Variants in LPIN2 observed in about 807,000 individuals in gnomAD.
LPIN2 encodes lipin 2.
A neutral mutation model predicts 111.4 loss-of-function variants in LPIN2; 55 were observed. That is an observed-to-expected ratio of 0.49 (90% CI 0.40 to 0.62). The LOEUF is 0.62. Ranked by LOEUF, LPIN2 falls within the 20% of genes least tolerant of loss-of-function variation. The probability of loss-of-function intolerance (pLI) is 0.00; values close to 1 mark genes in which losing one functional copy is unlikely to be tolerated. For missense variants in LPIN2, 992 were observed against 1,112.1 expected (o/e 0.89, Z 1.54); for synonymous variants, 425 against 414.0 (o/e 1.03, Z -0.32).
intron 1 of LPIN2, among the ~76,000 whole-genome samples, chr18:2,994,512 G>A (rs2078311577): frequency 6.6e-6 from 1 of 152,148 alleles, no homozygotes; most frequent in Non-Finnish European, 1.5e-5. Context: ...TCATAGTTGG[G>A]GAGGACATAT....
intron 1 of LPIN2, among the ~76,000 whole-genome samples, chr18:3,002,125 T>C (rs2078442407): frequency 6.6e-6 from 1 of 151,876 alleles, no homozygotes; most frequent in South Asian, 2.1e-4. Context: ...GTCCTATTTC[T>C]TGACTGTCAT....
At chr18:3,000,163 G>C (rs941991194) in intron 1 of LPIN2, among the ~76,000 whole-genome samples, 1 of 149,612 alleles carries the variant, frequency 6.7e-6, no homozygotes, top group African/African-American at 2.5e-5. Context: ...GTAGAAAGCA[G>C]ATCTCCCAGT....
chr18:2,984,804 GC>G (rs1161065715), intron 1 of LPIN2, among the ~76,000 whole-genome samples: 3 of 152,054 alleles, frequency 2.0e-5, no homozygotes, highest in Non-Finnish European at 4.4e-5. Flanking sequence ...GGGAGAAGAA[GC>G]CCCCCAGTTT....
At position 2,944,333 on chromosome 18, in the gene LPIN2, CTTTTTTTTTTTTTTTTTT is replaced by C. The variant is rs768515839; in HGVS notation, c.591-3639_591-3622del. Among the ~76,000 whole-genome samples, 23 of 51,350 alleles carry C rather than the reference CTTTTTTTTTTTTTTTTTT, an allele frequency of 4.5e-4. 1 individual carries two copies. The highest frequency in any genetic ancestry group is 1.7e-3 in the East Asian group (3 of 1,762). 33.7% of individuals were successfully genotyped at this position (51,350 alleles called of 152,430 possible). On this transcript the variant is annotated intron_variant, in intron 4 of 19. Coordinates refer to ENST00000677752, the MANE Select transcript of LPIN2 (RefSeq NM_001375808.2). ...TGATATCCTAATGTATTTCCACAAA[CTTTTTTTTTTTTTTTTTT>C]TTTTTTTTTTTTTTTTTTGAGTCGG...
intron 1 of LPIN2, among the ~76,000 whole-genome samples, chr18:2,980,807 C>G (rs1388559634): frequency 1.3e-5 from 2 of 152,096 alleles, no homozygotes; most frequent in African/African-American, 2.4e-5. Flanking sequence ...GAGTCCCCCC[C>G]CAGCTCTAAA....
intron 1 of LPIN2, among the ~76,000 whole-genome samples, chr18:2,975,846 A>G (rs1398777473): frequency 6.6e-6 from 1 of 152,208 alleles, no homozygotes. Context: ...GTTGCTATAG[A>G]AGCCATGTGC....
intron 18 of LPIN2, 83 bp downstream of exon 18, chr18:2,921,450 G>T: frequency 9.8e-7 from 1 of 1,025,024 alleles, no homozygotes; most frequent in Non-Finnish European, 1.6e-6. Context: ...ACTGCTTTGA[G>T]AATTGGGACG....
chr18:2,921,459 C>T lies in LPIN2; in HGVS notation c.2442+74G>A, dbSNP rs890200058. On this transcript the variant is annotated intron_variant, in intron 18 of 19. Transcript: ENST00000677752. Reference sequence around the variant, plus strand: ...TACAAAACTGCTTTGAGAATTGGGACGTGGCTACACCCCACGAAGTACATC... The same window carrying T: ...TACAAAACTGCTTTGAGAATTGGGATGTGGCTACACCCCACGAAGTACATC... 70 of 1,110,178 alleles carry T rather than the reference C, an allele frequency of 6.3e-5. No homozygotes were observed. In the South Asian group the frequency reaches 6.4e-4, roughly 10 times the overall value. 68.8% of individuals were successfully genotyped at this position (1,110,178 alleles called of 1,614,324 possible).
At chr18:2,921,151 G>C (rs1755714210) in intron 18 of LPIN2, 1 of 563,524 alleles carries the variant, frequency 1.8e-6, no homozygotes, top group Non-Finnish European at 3.2e-6. Flanking sequence ...CTGCACACCT[G>C]AGGCCCGATG....
chr18:2,959,349 TTTAA>T (rs1329756674), intron 2 of LPIN2, among the ~76,000 whole-genome samples: 1 of 152,202 alleles, frequency 6.6e-6, no homozygotes, highest in Non-Finnish European at 1.5e-5. Flanking sequence ...AACATTTAAG[TTTAA>T]TTAAATAGAG....
At chr18:2,952,169 G>C (rs1444268851) in intron 3 of LPIN2, among the ~76,000 whole-genome samples, 1 of 152,244 alleles carries the variant, frequency 6.6e-6, no homozygotes, top group Admixed American at 6.5e-5. Context: ...GCTCACGCCT[G>C]CAATCCCAGC....
intron 18 of LPIN2, chr18:2,921,102 G>A (rs916432180): frequency 1.6e-6 from 1 of 609,988 alleles, no homozygotes; most frequent in Non-Finnish European, 2.9e-6. Context: ...GGGGAAGCCA[G>A]GGTCCCTGGC....
chr18:2,928,136 T>C (rs1359624479), intron 11 of LPIN2, among the ~76,000 whole-genome samples: 1 of 152,182 alleles, frequency 6.6e-6, no homozygotes, highest in Non-Finnish European at 1.5e-5. Flanking sequence ...GCTGATGATG[T>C]CTTCTTGGGG....
rs55844718 is a variant in LPIN2, at chr18:2,956,311, G to GGTGTGTGTGTGTGTGTGTGTGTGT, written c.193-1736_193-1713dup. Reference sequence around the variant, plus strand: ...CATGATTTTCATATATAGATGCAGGGGTGTGTGTGTGTGTGTGTGTGTGTG... The same window carrying GGTGTGTGTGTGTGTGTGTGTGTGT: ...CATGATTTTCATATATAGATGCAGGGGTGTGTGTGTGTGTGTGTGTGTGTGTGTGTGTGTGTGTGTGTGTGTGTG... On this transcript the variant is annotated intron_variant, in intron 2 of 19. Coordinates refer to ENST00000677752, the MANE Select transcript of LPIN2 (RefSeq NM_001375808.2). Among the ~76,000 whole-genome samples, 1,085 of 143,962 alleles carry GGTGTGTGTGTGTGTGTGTGTGTGT rather than the reference G, an allele frequency of 7.5e-3. 35 individuals are homozygous for GGTGTGTGTGTGTGTGTGTGTGTGT. The highest frequency in any genetic ancestry group is 0.028 in the Middle Eastern group (8 of 288). The allele number at this position is 143,962 out of a possible 152,430, so 94.4% of individuals were successfully genotyped here.
intron 18 of LPIN2, 156 bp downstream of exon 18, chr18:2,921,371 CTATAGA>C: frequency 1.5e-6 from 1 of 685,648 alleles, no homozygotes. Context: ...TCCCCAGTTG[CTATAGA>C]TATTTGGAAT....
chr18:3,007,361 C>T (rs1400831609), intron 1 of LPIN2, among the ~76,000 whole-genome samples: 14 of 152,166 alleles, frequency 9.2e-5, no homozygotes, highest in South Asian at 6.2e-4. Flanking sequence ...TTAGTAGAGA[C>T]GGGGTTTCAC....
At chr18:2,959,354 TTAAA>T (rs1411051639) in intron 2 of LPIN2, among the ~76,000 whole-genome samples, 2 of 152,224 alleles carry the variant, frequency 1.3e-5, no homozygotes, top group African/African-American at 2.4e-5. Flanking sequence ...TTAAGTTTAA[TTAAA>T]TAGAGGGAAA....
At chr18:2,945,451 C>T (rs1361557411) in intron 4 of LPIN2, 16 of 686,822 alleles carry the variant, frequency 2.3e-5, no homozygotes, top group Middle Eastern at 7.9e-4. Flanking sequence ...CATTCAGTAA[C>T]ACAACAACAA....
Position 2,960,708 on chromosome 18 carries a change from A to T in LPIN2, c.133T>A (p.Cys45Ser). The T allele has an allele frequency of 6.2e-7, 1 of 1,614,028 alleles. No homozygotes were observed. Among genetic ancestry groups the T allele is most frequent in the Non-Finnish European group, 8.5e-7 (1 of 1,180,002 alleles). ...VVQQQDGSYQ[C>S]SPFHVRFGKL... ...CCAAACCGAACGTGAAAAGGTGAAC[A>T]CTGATAGCTGCCATCCTGCTGCTGT... Residue 45 changes from cysteine (C) to serine (S), a missense_variant, in exon 2 of 20, where the codon TGT becomes AGT. Around this residue, in one of 4 missense-constraint regions of LPIN2, gnomAD observed 67 missense variants for 112.1 expected, o/e 0.60. Coordinates refer to ENST00000677752, the MANE Select transcript of LPIN2 (RefSeq NM_001375808.2).
Sources: allele counts gnomAD v4.1 joint callset (sites outside exome capture counted in the v4.1 genomes callset), GRCh38; gene constraint gnomAD v4.1.1; regional missense constraint gnomAD v4.1.1; transcripts MANE v1.5; gene names NCBI Gene and HGNC (gene_info 2026-07-23, HGNC 2026-07-21).